PTPRM: variants seen among roughly 807,000 people sequenced by gnomAD.
PTPRM encodes receptor-type tyrosine-protein phosphatase mu.
A neutral mutation model predicts 186.7 loss-of-function variants in PTPRM; 47 were observed. The observed-to-expected ratio is 0.25, with a 90% CI of 0.20 to 0.32. PTPRM has a LOEUF of 0.32. Ranked by LOEUF, PTPRM falls within the 10% of genes least tolerant of loss-of-function variation. PTPRM has a pLI of 1.00. For missense variants in PTPRM, 1,494 were observed against 1,865.0 expected, an observed-to-expected ratio of 0.80 and a Z score of 3.66; for synonymous variants, 668 against 674.9, an observed-to-expected ratio of 0.99 and a Z score of 0.16.
intron 19 of PTPRM, among the ~76,000 whole-genome samples, chr18:8,277,322 G>T (rs1156251769): frequency 1.3e-5 from 2 of 152,214 alleles, no homozygotes; most frequent in Non-Finnish European, 2.9e-5. Context: ...TTTTCATCAT[G>T]TAAAGTGGCT....
intron 2 of PTPRM, among the ~76,000 whole-genome samples, chr18:7,869,071 T>A (rs2047855279): frequency 6.6e-6 from 1 of 152,188 alleles, no homozygotes; most frequent in South Asian, 2.1e-4. Flanking sequence ...CATCCCAGGT[T>A]GACTTCAGAC....
intron 4 of PTPRM, among the ~76,000 whole-genome samples, chr18:7,913,824 A>G (rs1228767087): frequency 6.6e-6 from 1 of 152,176 alleles, no homozygotes; most frequent in Non-Finnish European, 1.5e-5. Flanking sequence ...AAAATAATAC[A>G]GTAAAAAAGA....
At chr18:7,691,283 TA>T in intron 1 of PTPRM, among the ~76,000 whole-genome samples, 1 of 152,304 alleles carries the variant, frequency 6.6e-6, no homozygotes, top group African/African-American at 2.4e-5. Context: ...GTGCTTTAAA[TA>T]AAAACCTGAA....
intron 2 of PTPRM, among the ~76,000 whole-genome samples, chr18:7,842,947 T>TATATAGAGAGAGAGAGAGAGAGAGAG (rs370746043): frequency 1.7e-4 from 19 of 112,112 alleles, no homozygotes; most frequent in African/African-American, 6.7e-4. Flanking sequence ...TATATATATA[T>TATATAGAGAGAGAGAGAGAGAGAGAG]AGAGAGAGAG....
chr18:7,844,988 C>T (rs766701674), intron 2 of PTPRM, among the ~76,000 whole-genome samples: 2 of 152,110 alleles, frequency 1.3e-5, no homozygotes. Context: ...TGAGATTCTG[C>T]TGAGGGATTA....
chr18:7,823,434 T>G (rs576787501), intron 2 of PTPRM, among the ~76,000 whole-genome samples: 94 of 152,336 alleles, frequency 6.2e-4, no homozygotes, highest in African/African-American at 2.1e-3. Flanking sequence ...GTGTGATCAT[T>G]AAGTGTCAAC....
At chr18:8,195,275 A>G (rs2093761768) in intron 14 of PTPRM, among the ~76,000 whole-genome samples, 1 of 149,332 alleles carries the variant, frequency 6.7e-6, no homozygotes, top group South Asian at 2.1e-4. Flanking sequence ...TCGTGGTTCC[A>G]TCTCACATGA....
intron 20 of PTPRM, among the ~76,000 whole-genome samples, chr18:8,303,422 A>C (rs1284843279): frequency 6.6e-6 from 1 of 152,068 alleles, no homozygotes; most frequent in Non-Finnish European, 1.5e-5. Context: ...CTTTTCTAAC[A>C]TTTTGTTTTA....
intron 13 of PTPRM, among the ~76,000 whole-genome samples, chr18:8,133,196 T>TA (rs1420312348): frequency 6.6e-6 from 1 of 152,154 alleles, no homozygotes; most frequent in Non-Finnish European, 1.5e-5. Context: ...CTCCACCTCT[T>TA]AATACTGACT....
intron 1 of PTPRM, among the ~76,000 whole-genome samples, chr18:7,715,788 T>C (rs2040315055): frequency 6.6e-6 from 1 of 152,030 alleles, no homozygotes; most frequent in Non-Finnish European, 1.5e-5. Context: ...TACCTAAGAC[T>C]CTAACTTAAC....
chr18:7,771,900 T>C (rs2042284555), intron 1 of PTPRM, among the ~76,000 whole-genome samples: 1 of 152,208 alleles, frequency 6.6e-6, no homozygotes, highest in South Asian at 2.1e-4. Flanking sequence ...TTAGGAAGGA[T>C]AAATGGAGAG....
At chr18:8,404,383 G>A (rs1314421092) in intron 32 of PTPRM, 3 of 152,216 alleles carry the variant, frequency 2.0e-5, no homozygotes, top group Non-Finnish European at 4.4e-5. Context: ...AGCAGTACAT[G>A]TGTATTGAGT....
chr18:8,380,699 T>C (rs2095728223), intron 29 of PTPRM, among the ~76,000 whole-genome samples: 1 of 152,110 alleles, frequency 6.6e-6, no homozygotes, highest in African/African-American at 2.4e-5. Context: ...TCCTAAAAGA[T>C]GGAAATACTC....
chr18:7,628,523 A>T (rs2038115311), intron 1 of PTPRM, among the ~76,000 whole-genome samples: 1 of 152,216 alleles, frequency 6.6e-6, no homozygotes, highest in South Asian at 2.1e-4. Flanking sequence ...TATTTAAAAG[A>T]TCATATAATC....
At chr18:8,351,205 A>G (rs1286268830) in intron 23 of PTPRM, among the ~76,000 whole-genome samples, 1 of 152,088 alleles carries the variant, frequency 6.6e-6, no homozygotes, top group African/African-American at 2.4e-5. Context: ...TGGCTATTTT[A>G]TCTCCCTCAT....
At chr18:7,738,692 C>T (rs1303951427) in intron 1 of PTPRM, among the ~76,000 whole-genome samples, 1 of 151,860 alleles carries the variant, frequency 6.6e-6, no homozygotes, top group Non-Finnish European at 1.5e-5. Flanking sequence ...CCACCCGCCT[C>T]GGCCTCCCAA....
At position 7,768,646 on chromosome 18, in the gene PTPRM, ATATT is replaced by A. The variant is rs1461661264; in HGVS notation, c.74-5501_74-5498del. Among the ~76,000 whole-genome samples, 260 of 93,552 alleles carry A rather than the reference ATATT, an allele frequency of 2.8e-3. 2 individuals are homozygous for A. Among genetic ancestry groups the A allele is most frequent in the African/African-American group, 0.015 (254 of 16,388 alleles). The allele number at this position is 93,552 out of a possible 152,430, so 61.4% of individuals were successfully genotyped here. On this transcript the variant is annotated intron_variant, in intron 1 of 32. Coordinates refer to ENST00000580170, the MANE Select transcript of PTPRM (RefSeq NM_001105244.2). The stretch of plus-strand genomic sequence containing the variant: ...AGTATCCATAAAGATATATATATAT[ATATT>A]TTTTTTTTTTTTTGAGTTGGAGTTT...
chr18:7,890,049 A>G (rs1411362484), intron 3 of PTPRM, among the ~76,000 whole-genome samples: 1 of 152,226 alleles, frequency 6.6e-6, no homozygotes, highest in Admixed American at 6.5e-5. Flanking sequence ...CTTAGGATCA[A>G]AGTGGGAAAT....
chr18:7,721,195 G>T (rs1210357643), intron 1 of PTPRM, among the ~76,000 whole-genome samples: 1 of 149,724 alleles, frequency 6.7e-6, no homozygotes, highest in African/African-American at 2.4e-5. Context: ...ATATCTGATT[G>T]GGTTTTGATT....
Sources: allele counts gnomAD v4.1 joint callset (sites outside exome capture counted in the v4.1 genomes callset), GRCh38; gene constraint gnomAD v4.1.1; transcripts MANE v1.5; gene names NCBI Gene and HGNC (gene_info 2026-07-23, HGNC 2026-07-21).